VAV2: variants seen among roughly 807,000 people sequenced by gnomAD.
VAV2 encodes the protein vav guanine nucleotide exchange factor 2.
VAV2 carries 67 observed loss-of-function variants against 132.5 expected under a neutral mutation model. The ratio of observed to expected loss-of-function variants is 0.51; its 90% CI spans 0.42 to 0.62. The LOEUF is 0.62. VAV2 is among the 20% of genes least tolerant of loss of function. The pLI, the probability that VAV2 is intolerant of heterozygous loss-of-function variation, is 0.00. For synonymous variants in VAV2, 492 were observed against 443.5 expected, an observed-to-expected ratio of 1.11 and a Z score of -1.37; for missense variants, 938 against 1,153.6, an observed-to-expected ratio of 0.81 and a Z score of 2.71.
At chr9:133,787,313 C>A (rs1023702291) in intron 15 of VAV2, 53 bp from the exon 16 acceptor site, 3 of 1,528,490 alleles carry the variant, frequency 2.0e-6, no homozygotes, top group Non-Finnish European at 1.8e-6. Flanking sequence ...AGAGGCTAAG[C>A]CCGGCCCTGT....
intron 1 of VAV2, among the ~76,000 whole-genome samples, chr9:133,946,093 CCA>C (rs1267283201): frequency 2.0e-5 from 3 of 152,218 alleles, no homozygotes; most frequent in African/African-American, 7.2e-5. Context: ...GGTTGGGGTG[CCA>C]CAGTTAGCTG....
At chr9:133,782,373 G>A (rs969390317) in intron 19 of VAV2, among the ~76,000 whole-genome samples, 25 of 152,136 alleles carry the variant, frequency 1.6e-4, no homozygotes, top group African/African-American at 4.1e-4. Context: ...GAAAAGCTGC[G>A]TTCAGGCCAC....
intron 2 of VAV2, among the ~76,000 whole-genome samples, chr9:133,936,963 T>A (rs910625910): frequency 1.3e-5 from 2 of 152,344 alleles, no homozygotes; most frequent in African/African-American, 4.8e-5. Flanking sequence ...ATTTGCAAAC[T>A]GCTTGGCCAC....
intron 18 of VAV2, 144 bp downstream of exon 18, chr9:133,784,173 C>A: frequency 1.2e-6 from 1 of 860,684 alleles, no homozygotes; most frequent in Non-Finnish European, 1.8e-6. Flanking sequence ...ATGCCTGGCA[C>A]GGGCCTGACT....
intron 2 of VAV2, among the ~76,000 whole-genome samples, chr9:133,877,271 A>C (rs1478107785): frequency 6.6e-6 from 1 of 151,778 alleles, no homozygotes; most frequent in Non-Finnish European, 1.5e-5. Context: ...CACACTCCAC[A>C]CTCTGCACAA....
intron 2 of VAV2, among the ~76,000 whole-genome samples, chr9:133,899,817 C>T (rs1487744700): frequency 4.7e-5 from 7 of 150,184 alleles, no homozygotes; most frequent in Non-Finnish European, 8.9e-5. Context: ...GTCAGGAGGT[C>T]GAGACCATCC....
Position 133,926,467 on chromosome 9 carries a change from C to G in VAV2, c.321+12636G>C, listed in dbSNP as rs1840485536. On this transcript the variant is annotated intron_variant, in intron 2 of 29. Coordinates refer to ENST00000371850, the MANE Select transcript of VAV2 (RefSeq NM_001134398.2). This position sits in a 1 kb window ranked among gnomAD's most constrained non-coding sequence, Gnocchi z 4.3. ...GATCGTGGGTCTCCCTTCTGAAAACCCCAGGATAGCACCCCAAATCTCTCT... is the reference window on the plus strand; with the variant it reads ...GATCGTGGGTCTCCCTTCTGAAAACGCCAGGATAGCACCCCAAATCTCTCT... 6.6e-6 allele frequency: 1 copy of G among 152,360 alleles called. No homozygotes were observed. Among genetic ancestry groups the G allele is most frequent in the Non-Finnish European group, 1.5e-5 (1 of 68,192 alleles). The allele number at this position is 152,360 out of a possible 1,614,324, so 9.4% of individuals were successfully genotyped here.
intron 1 of VAV2, among the ~76,000 whole-genome samples, chr9:133,940,672 C>CGTGCGT (rs1554814232): frequency 7.2e-6 from 1 of 139,240 alleles, no homozygotes; most frequent in African/African-American, 2.6e-5. Context: ...TGTCCACGTG[C>CGTGCGT]GTGTGTGTGT....
intron 4 of VAV2, among the ~76,000 whole-genome samples, chr9:133,814,145 G>C (rs1204267152): frequency 2.0e-5 from 3 of 152,230 alleles, no homozygotes; most frequent in African/African-American, 4.8e-5. Flanking sequence ...GAACAGACAT[G>C]AAGGCAGGAA....
At position 133,797,646 on chromosome 9, in the gene VAV2, G is replaced by A. The variant is rs564662379; in HGVS notation, c.936+64C>T. ...GGCAAGAGAGAGGCTGGTACCTAAC[G>A]AGCTCTGGCCTGCAAGCTGCAACCT... On this transcript the variant is annotated intron_variant, in intron 10 of 29. Transcript: ENST00000371850. The A allele has an allele frequency of 3.8e-5, 54 of 1,428,992 alleles. No homozygotes were observed. The African/African-American group carries it at 5.7e-4, about 15-fold the overall frequency. 88.5% of individuals were successfully genotyped at this position (1,428,992 alleles called of 1,614,324 possible). A position where few individuals can be genotyped will look rare whatever the true frequency, so the allele number is the denominator to read the frequency against.
chr9:133,780,471 T>G (rs1371736719), intron 20 of VAV2, among the ~76,000 whole-genome samples: 3 of 152,100 alleles, frequency 2.0e-5, no homozygotes, highest in Non-Finnish European at 4.4e-5. Context: ...GGCAAGGGAA[T>G]GAGGCGGGCA....
In VAV2 at chr9:133,881,186, C is replaced by T. The variant is rs541703279; in HGVS notation, c.322-19754G>A. On this transcript the variant is annotated intron_variant, in intron 2 of 29. Coordinates refer to ENST00000371850, the MANE Select transcript of VAV2 (RefSeq NM_001134398.2). Reference sequence around the variant, plus strand: ...CTGCTGGGCTTCCCACCATACGACCCGGAGAACTTGTCCCCAGAAAAGCTG... The same window carrying T: ...CTGCTGGGCTTCCCACCATACGACCTGGAGAACTTGTCCCCAGAAAAGCTG... 1.3e-4 allele frequency among the ~76,000 whole-genome samples: 20 copies of T among 152,350 alleles called. No individual in the cohort carries two copies. In the South Asian group the frequency reaches 3.5e-3, roughly 27 times the overall value.
At chr9:133,881,256 G>T (rs770831253) in intron 2 of VAV2, among the ~76,000 whole-genome samples, 1 of 152,254 alleles carries the variant, frequency 6.6e-6, no homozygotes, top group Non-Finnish European at 1.5e-5. Context: ...CGGCCTTCCC[G>T]CAGGCATGAT....
chr9:133,920,070 A>G (rs1340445765), intron 2 of VAV2, among the ~76,000 whole-genome samples: 2 of 152,230 alleles, frequency 1.3e-5, no homozygotes, highest in African/African-American at 4.8e-5. Flanking sequence ...CGGGGAACTG[A>G]CAGGTACTCC....
chr9:133,871,274 GAGTGGGTGGGTGGATGGATA>G (rs1438162785), intron 2 of VAV2, among the ~76,000 whole-genome samples: 9 of 150,272 alleles, frequency 6.0e-5, no homozygotes, highest in African/African-American at 2.2e-4. Flanking sequence ...ATAGATAAGT[GAGTGGGTGGGTGGATGGATA>G]AGTGGGTGGG....
intron 2 of VAV2, among the ~76,000 whole-genome samples, chr9:133,906,134 G>A (rs1839643758): frequency 6.6e-6 from 1 of 152,238 alleles, no homozygotes; most frequent in African/African-American, 2.4e-5. Flanking sequence ...AGTCCCCAGT[G>A]TGGCGTGGAT....
At chr9:133,880,365 CAT>C (rs1356442459) in intron 2 of VAV2, among the ~76,000 whole-genome samples, 2 of 152,182 alleles carry the variant, frequency 1.3e-5, no homozygotes, top group African/African-American at 4.8e-5. Context: ...CTCAGGGACT[CAT>C]GAGATGATAA....
intron 4 of VAV2, among the ~76,000 whole-genome samples, chr9:133,812,877 AC>A (rs1315179132): frequency 6.6e-6 from 1 of 152,030 alleles, no homozygotes; most frequent in Non-Finnish European, 1.5e-5. Context: ...CCTCCAAGAC[AC>A]CCACCAGGAT....
intron 4 of VAV2, among the ~76,000 whole-genome samples, chr9:133,818,634 G>A (rs10993810): frequency 0.2 from 30,250 of 151,968 alleles, 3,600 homozygotes; most frequent in African/African-American, 0.33. Context: ...AGCATATGGC[G>A]GGACTTTCTG....
Sources: gnomAD v4.1 joint callset for allele counts (sites outside exome capture counted in the v4.1 genomes callset) on GRCh38, gnomAD v4.1.1 for gene constraint, Gnocchi (gnomAD v3.1) non-coding constraint, MANE v1.5 for transcripts, NCBI Gene and HGNC (gene_info 2026-07-23, HGNC 2026-07-21) for gene names.